Variants in CLTA observed in about 807,000 individuals in gnomAD.
CLTA encodes clathrin light chain A.
A neutral mutation model predicts 26.9 loss-of-function variants in CLTA; 9 were observed. The ratio of observed to expected loss-of-function variants is 0.33; its 90% CI spans 0.20 to 0.58. The LOEUF (loss-of-function observed/expected upper bound fraction) is 0.58. Ranked by LOEUF, CLTA falls within the 20% of genes least tolerant of loss-of-function variation. CLTA has a pLI of 0.85. For synonymous variants in CLTA, 120 were observed against 115.5 expected (o/e 1.04, Z -0.25); for missense variants, 278 against 294.2 (o/e 0.94, Z 0.40).
intron 3 of CLTA, 35 bp from the exon 4 acceptor site, chr9:36,204,033 C>G (rs1827577099): frequency 1.2e-6 from 2 of 1,611,866 alleles, no homozygotes; most frequent in African/African-American, 1.3e-5. Flanking sequence ...CACTTTGCCT[C>G]AATTGTATTG....
Position 36,211,995 on chromosome 9 carries a change from C to A in CLTA, c.*221C>A. ...GAAGAGGAAGGGGAGGGAAGCTTCC[C>A]AAGAGTAGCCTCAACCTGTGCTTCT... On this transcript the variant is annotated 3_prime_UTR_variant, in exon 5 of 5. Transcript: ENST00000345519. 1 of 683,874 alleles carries A rather than the reference C, an allele frequency of 1.5e-6. No homozygotes were observed. The allele number at this position is 683,874 out of a possible 1,614,324, so 42.4% of individuals were successfully genotyped here.
chr9:36,202,516 C>A (rs1827476691), intron 3 of CLTA, among the ~76,000 whole-genome samples: 3 of 152,230 alleles, frequency 2.0e-5, no homozygotes, highest in African/African-American at 2.4e-5. Context: ...AGGCTTGCCT[C>A]CCTTTCTGTC....
Position 36,197,572 on chromosome 9 carries a change from A to G in CLTA, c.239A>G (p.Asn80Ser), listed in dbSNP as rs1563909223. ...GGPDAVDGVM[N>S]GEYYQESNGP... ...GCAGATGCTGTTGATGGAGTAATGA[A>G]TGGTGAATACTACCAGGTACAGAGT... is the stretch of plus-strand genomic sequence containing the variant. Residue 80 changes from asparagine (N) to serine (S), a missense_variant, in exon 2 of 5, where the codon AAT (asparagine) becomes AGT (serine). By Grantham distance (46) the Asn-to-Ser change is conservative. Coordinates refer to ENST00000345519, the MANE Select transcript of CLTA (RefSeq NM_001833.4). 1 of 1,610,740 alleles carries G rather than the reference A, an allele frequency of 6.2e-7. No individual in the cohort carries two copies.
At chr9:36,205,755 GTTTTTTTTTTT>G (rs746587996) in intron 4 of CLTA, among the ~76,000 whole-genome samples, 1 of 94,006 alleles carries the variant, frequency 1.1e-5, no homozygotes, top group Admixed American at 1.3e-4. Context: ...AATGACACCT[GTTTTTTTTTTT>G]TTTTTTTTTT....
chr9:36,191,347 G>C (rs1415730455), intron 1 of CLTA, 74 bp downstream of exon 1: 5 of 1,405,684 alleles, frequency 3.6e-6, no homozygotes, highest in Non-Finnish European at 4.6e-6. Context: ...GAGAGCTTCT[G>C]TGTGACTCGT....
intron 4 of CLTA, chr9:36,209,468 G>A (rs1275785481): frequency 1.5e-6 from 1 of 653,726 alleles, no homozygotes; most frequent in Non-Finnish European, 2.7e-6. Flanking sequence ...GATAAGCGGG[G>A]TATGATCTGT....
chr9:36,200,103 CA>C (rs1188169451), intron 3 of CLTA, among the ~76,000 whole-genome samples: 5 of 152,170 alleles, frequency 3.3e-5, no homozygotes, highest in Admixed American at 1.3e-4. Context: ...GGTTCATGAT[CA>C]GGGGAGACTT....
intron 3 of CLTA, 106 bp downstream of exon 3, chr9:36,199,202 T>A: frequency 1.3e-6 from 1 of 777,306 alleles, no homozygotes; most frequent in Non-Finnish European, 2.3e-6. Flanking sequence ...CATTGTCTGG[T>A]CTTTGGGAAG....
intron 1 of CLTA, among the ~76,000 whole-genome samples, 192 bp downstream of exon 1, chr9:36,191,465 T>A (rs1826714965): frequency 6.6e-6 from 1 of 152,184 alleles, no homozygotes; most frequent in Admixed American, 6.5e-5. Context: ...TCTCAGCATG[T>A]TTGAGTGCTT....
Position 36,211,956 on chromosome 9 carries a change from A to T in CLTA, c.*182A>T. 1 of 704,440 alleles carries T rather than the reference A, an allele frequency of 1.4e-6. No individual in the cohort carries two copies. The highest frequency in any genetic ancestry group is 1.5e-5 in the South Asian group (1 of 64,994). 43.6% of individuals were successfully genotyped at this position (704,440 alleles called of 1,614,324 possible). ...ACTGTGTTCTCCCTGGCATTCAGAG[A>T]GGAGGGAGAGGAGGAAGAGGAAGGG... On this transcript the variant is annotated 3_prime_UTR_variant, in exon 5 of 5. Transcript: ENST00000345519.
At chr9:36,200,003 C>T (rs989572611) in intron 3 of CLTA, among the ~76,000 whole-genome samples, 19 of 152,194 alleles carry the variant, frequency 1.2e-4, no homozygotes, top group African/African-American at 4.6e-4. Context: ...CCATCAGCCA[C>T]ATTGCTTTCT....
At chr9:36,199,523 C>T (rs1827276586) in intron 3 of CLTA, among the ~76,000 whole-genome samples, 1 of 150,484 alleles carries the variant, frequency 6.6e-6, no homozygotes, top group African/African-American at 2.5e-5. Flanking sequence ...GATCTCGGCT[C>T]ATTGCAAGCT....
At chr9:36,211,404 A>C (rs1452521491) in intron 4 of CLTA, 199 bp from the exon 5 acceptor site, 1 of 172,884 alleles carries the variant, frequency 5.8e-6, no homozygotes, top group Non-Finnish European at 1.1e-5. Context: ...CATTTTACAC[A>C]GCGGTCTGGG....
Position 36,201,301 on chromosome 9 carries a change from G to C in CLTA, c.373+2205G>C, listed in dbSNP as rs560501691. Among the ~76,000 whole-genome samples, 15 of 152,338 alleles carry C rather than the reference G, an allele frequency of 9.8e-5. No homozygotes were observed. In the South Asian group the frequency reaches 3.1e-3, roughly 32 times the overall value. On this transcript the variant is annotated intron_variant, in intron 3 of 4. Coordinates refer to ENST00000345519, the MANE Select transcript of CLTA (RefSeq NM_001833.4). ...TGCTAAAAATAGAGAACCGGTGCCAGTGGTTTTCAGCCTAGCTGCTGGCTA... is the reference window on the plus strand; with the variant it reads ...TGCTAAAAATAGAGAACCGGTGCCACTGGTTTTCAGCCTAGCTGCTGGCTA...
intron 2 of CLTA, among the ~76,000 whole-genome samples, chr9:36,198,152 AC>A: frequency 6.6e-6 from 1 of 151,706 alleles, no homozygotes; most frequent in Admixed American, 6.5e-5. Context: ...GCATGCCACC[AC>A]GCCCGGCTAA....
chr9:36,207,704 G>A (rs1827804519), intron 4 of CLTA, among the ~76,000 whole-genome samples: 1 of 152,192 alleles, frequency 6.6e-6, no homozygotes, highest in Non-Finnish European at 1.5e-5. Flanking sequence ...TTGTCACTGA[G>A]GAGCTCTTTG....
intron 1 of CLTA, among the ~76,000 whole-genome samples, chr9:36,196,451 A>G (rs1003887314): frequency 5.3e-5 from 8 of 150,578 alleles, no homozygotes; most frequent in African/African-American, 1.5e-4. Flanking sequence ...AGTTCAAGCA[A>G]TTCTCCTCTT....
intron 4 of CLTA, among the ~76,000 whole-genome samples, chr9:36,211,108 A>G (rs898287622): frequency 3.9e-5 from 6 of 152,152 alleles, no homozygotes; most frequent in Non-Finnish European, 8.8e-5. Context: ...CTAGCATGGG[A>G]GCTTTGTCTT....
intron 3 of CLTA, among the ~76,000 whole-genome samples, chr9:36,200,743 A>G (rs1827357703): frequency 6.6e-6 from 1 of 152,230 alleles, no homozygotes; most frequent in South Asian, 2.1e-4. Flanking sequence ...TGTAACTGTT[A>G]AGTACTTGAA....
Sources: gnomAD v4.1 joint callset for allele counts (sites outside exome capture counted in the v4.1 genomes callset) on GRCh38, gnomAD v4.1.1 for gene constraint, MANE v1.5 for transcripts, NCBI Gene and HGNC (gene_info 2026-07-23, HGNC 2026-07-21) for gene names.